GCM1: variants seen among roughly 807,000 people sequenced by gnomAD.
GCM1 encodes GCM transcription factor 1, also known as chorion-specific transcription factor GCMa.
A neutral mutation model predicts 25.7 loss-of-function variants in GCM1; 2 were observed. The ratio of observed to expected loss-of-function variants is 0.08; its 90% CI spans 0.03 to 0.24. The LOEUF is 0.24. Among genes scored for constraint, GCM1 ranks in the 10% least tolerant of loss-of-function variants. The pLI, the probability that GCM1 is intolerant of heterozygous loss-of-function variation, is 1.00. For missense variants in GCM1, 395 were observed against 538.7 expected (o/e 0.73, Z 2.64); for synonymous variants, 183 against 195.7 (o/e 0.94, Z 0.54).
chr6:53,146,590 C>A lies in GCM1; in HGVS notation c.-136-822G>T, dbSNP rs76596801. On this transcript the variant is annotated intron_variant, in intron 1 of 5. Coordinates refer to ENST00000259803, the MANE Select transcript of GCM1 (RefSeq NM_003643.4). The stretch of plus-strand genomic sequence containing the variant: ...TTTGGTCTCTGCAATAAATCCTGTG[C>A]GCACGATATATCTTCAAATATTATC... Among the ~76,000 whole-genome samples the A allele has an allele frequency of 7.2e-3, 1,096 of 152,280 alleles. 18 individuals are homozygous for A. Among genetic ancestry groups the A allele is most frequent in the African/African-American group, 0.025 (1,021 of 41,552 alleles).
At chr6:53,131,463 T>A (rs1279939685) in intron 4 of GCM1, among the ~76,000 whole-genome samples, 1 of 152,224 alleles carries the variant, frequency 6.6e-6, no homozygotes, top group Non-Finnish European at 1.5e-5. Flanking sequence ...GGTGAGAATA[T>A]TTCCATTACA....
At chr6:53,141,698 A>G (rs1763875156) in intron 2 of GCM1, among the ~76,000 whole-genome samples, 1 of 150,786 alleles carries the variant, frequency 6.6e-6, no homozygotes, top group African/African-American at 2.4e-5. Context: ...AAAAGAAAGA[A>G]AGAAAGAAAG....
chr6:53,128,918 C>A lies in GCM1; in HGVS notation c.599G>T (p.Gly200Val), dbSNP rs764189267. The A allele has an allele frequency of 7.4e-6, 12 of 1,613,254 alleles. No homozygotes were observed. Among genetic ancestry groups the A allele is most frequent in the Non-Finnish European group, 1.0e-5 (12 of 1,179,384 alleles). ...GAAAGACCAAGTTAAAGGTAAACTC[C>A]CCTGACTTTGTGTTTCACCTGGAAG... ...RSLPGETQSQ[G>V]SLPLTWSFQE... The change falls in exon 6 of 6, where the codon GGG (glycine) becomes GTG (valine). Residue 200 changes from glycine to valine, a missense_variant. Transcript: ENST00000259803.
chr6:53,132,742 A>C (rs1264285175), intron 3 of GCM1, among the ~76,000 whole-genome samples: 1 of 152,160 alleles, frequency 6.6e-6, no homozygotes, highest in East Asian at 1.9e-4. Flanking sequence ...CTTTCACTTC[A>C]CAATTAGAAC....
chr6:53,142,902 A>AAAAG (rs1562091240), intron 2 of GCM1, among the ~76,000 whole-genome samples: 2 of 148,670 alleles, frequency 1.3e-5, no homozygotes, highest in East Asian at 4.0e-4. Context: ...AAAAAAAAAA[A>AAAAG]AGGAGATGGA....
intron 1 of GCM1, among the ~76,000 whole-genome samples, chr6:53,146,231 T>A (rs200066010): frequency 0.19 from 26,984 of 142,040 alleles, 3,168 homozygotes; most frequent in African/African-American, 0.31. Context: ...TTTTTTTTTT[T>A]TTTTTTGAGA....
chr6:53,130,986 T>C (rs2127508145), intron 4 of GCM1, 55 bp from the exon 5 acceptor site: 3 of 1,505,276 alleles, frequency 2.0e-6, no homozygotes, highest in Non-Finnish European at 2.8e-6. Context: ...CTAGACTGTG[T>C]TTCATGGTGT....
chr6:53,141,710 A>G (rs1293840143), intron 2 of GCM1, among the ~76,000 whole-genome samples: 5 of 149,434 alleles, frequency 3.3e-5, no homozygotes, highest in Admixed American at 6.7e-5. Context: ...GAAAGAAAGA[A>G]AGAAACTTGA....
chr6:53,132,486 G>A (rs745431334), intron 3 of GCM1, among the ~76,000 whole-genome samples: 2 of 152,306 alleles, frequency 1.3e-5, no homozygotes, highest in East Asian at 1.9e-4. Flanking sequence ...CAAGGCAGGC[G>A]GATCCACTTG....
In GCM1 at chr6:53,127,603, G is replaced by C. The variant is rs1385808500; in HGVS notation, c.*603C>G. 6.6e-6 allele frequency: 1 copy of C among 152,278 alleles called. No individual in the cohort carries two copies. Among genetic ancestry groups the C allele is most frequent in the South Asian group, 2.1e-4 (1 of 4,830 alleles). The allele number at this position is 152,278 out of a possible 1,614,324, so 9.4% of individuals were successfully genotyped here. A position where few individuals can be genotyped will look rare whatever the true frequency, so the allele number is the denominator to read the frequency against. On this transcript the variant is annotated 3_prime_UTR_variant, in exon 6 of 6. Coordinates refer to ENST00000259803, the MANE Select transcript of GCM1 (RefSeq NM_003643.4). ...GCATGCAATGTGGCTGAGGTGCTGG[G>C]AACCCCAAACAATGTGGGGGAAAAA...
At chr6:53,129,338 G>A (rs1019215517) in intron 5 of GCM1, among the ~76,000 whole-genome samples, 1 of 150,144 alleles carries the variant, frequency 6.7e-6, no homozygotes, top group South Asian at 2.1e-4. Context: ...GCAGTGGCAC[G>A]ATCTTGGCTC....
chr6:53,132,028 G>A lies in GCM1; in HGVS notation c.420C>T (p.Asp140=), dbSNP rs187370387. Residue 140 remains aspartate, a synonymous_variant, in exon 4 of 6, where the codon GAC becomes GAT. Transcript: ENST00000259803. ...CAACCTGGAAAAATATAAAGCGTCC[G>A]TCGTGCCTCCAGAAGTTGGTGACCG... ...GFPVTNFWRH[D]GRFIFFQSKG... The A allele has an allele frequency of 1.7e-5, 27 of 1,607,750 alleles. No individual in the cohort carries two copies. In the Admixed American group the frequency reaches 1.8e-4, roughly 11 times the overall value.
chr6:53,144,693 T>C (rs1217121366), intron 2 of GCM1, among the ~76,000 whole-genome samples: 2 of 151,200 alleles, frequency 1.3e-5, no homozygotes, highest in Non-Finnish European at 2.9e-5. Context: ...GGCAGGGAGA[T>C]CACTTGAGCC....
rs6940056 is a variant in GCM1, at chr6:53,146,194, T to A, written c.-136-426A>T. Among the ~76,000 whole-genome samples the A allele has an allele frequency of 4.6e-3, 463 of 100,460 alleles. 4 individuals are homozygous for A. Among genetic ancestry groups the A allele is most frequent in the Middle Eastern group, 0.011 (2 of 174 alleles). 65.9% of individuals were successfully genotyped at this position (100,460 alleles called of 152,430 possible). A position where few individuals can be genotyped will look rare whatever the true frequency, so the allele number is the denominator to read the frequency against. On this transcript the variant is annotated intron_variant, in intron 1 of 5. Coordinates refer to ENST00000259803, the MANE Select transcript of GCM1 (RefSeq NM_003643.4). ...TTATCTAGGAAAATACATATATGTT[T>A]TATATATATATATATATATATATTT...
chr6:53,136,393 T>C (rs193115031), intron 2 of GCM1, among the ~76,000 whole-genome samples: 1 of 152,366 alleles, frequency 6.6e-6, no homozygotes, highest in Admixed American at 6.5e-5. Context: ...TGAGTCTTAA[T>C]GACATTCTTT....
At chr6:53,144,971 G>GA (rs1763933270) in intron 2 of GCM1, among the ~76,000 whole-genome samples, 1 of 93,848 alleles carries the variant, frequency 1.1e-5, no homozygotes, top group African/African-American at 4.6e-5. Flanking sequence ...AAGAAAGAAA[G>GA]AAAATGAAAA....
intron 2 of GCM1, among the ~76,000 whole-genome samples, chr6:53,140,742 A>C (rs1274538893): frequency 6.6e-6 from 1 of 152,144 alleles, no homozygotes; most frequent in African/African-American, 2.4e-5. Flanking sequence ...TTGCTAGTGA[A>C]ATGGGTACTA....
At chr6:53,147,392 G>A (rs953629439) in intron 1 of GCM1, among the ~76,000 whole-genome samples, 1 of 149,944 alleles carries the variant, frequency 6.7e-6, no homozygotes, top group Non-Finnish European at 1.5e-5. Flanking sequence ...AAGCTTTGGC[G>A]AGACCCATGA....
chr6:53,132,163 G>C, intron 3 of GCM1, 44 bp from the exon 4 acceptor site: 6 of 1,226,570 alleles, frequency 4.9e-6, no homozygotes, highest in Non-Finnish European at 7.3e-6. Flanking sequence ...GCTGAACCAT[G>C]TCGGTTGTTG....
Sources: gnomAD v4.1 joint callset for allele counts (sites outside exome capture counted in the v4.1 genomes callset) on GRCh38, gnomAD v4.1.1 for gene constraint, MANE v1.5 for transcripts, NCBI Gene and HGNC (gene_info 2026-07-23, HGNC 2026-07-21) for gene names.